The following MEOX2 variants were observed in gnomAD, a reference collection of about 807,000 sequenced individuals.
MEOX2 encodes the protein homeobox protein MOX-2.
Under a neutral mutation model 27.0 loss-of-function variants are expected in MEOX2, and 11 were observed. That is an observed-to-expected ratio of 0.41 (90% CI 0.26 to 0.68). The LOEUF (loss-of-function observed/expected upper bound fraction) is 0.68, where lower values mean the gene tolerates loss of function less well. Among genes scored for constraint, MEOX2 ranks in the 30% least tolerant of loss-of-function variants. The probability of loss-of-function intolerance (pLI) is 0.33; values close to 1 mark genes in which losing one functional copy is unlikely to be tolerated. For synonymous variants in MEOX2, 189 were observed against 155.4 expected, an observed-to-expected ratio of 1.22 and a Z score of -1.61; for missense variants, 436 against 385.4, an observed-to-expected ratio of 1.13 and a Z score of -1.10.
At chr7:15,673,415 A>G (rs867430911) in intron 1 of MEOX2, among the ~76,000 whole-genome samples, 57 of 152,244 alleles carry the variant, frequency 3.7e-4, no homozygotes, top group Admixed American at 2.6e-4. Context: ...TATGGGATAG[A>G]AATAAAAAAT....
intron 1 of MEOX2, among the ~76,000 whole-genome samples, chr7:15,646,071 T>C (rs1205192551): frequency 6.6e-6 from 1 of 152,070 alleles, no homozygotes; most frequent in East Asian, 1.9e-4. Flanking sequence ...ATTAAAACCC[T>C]ATATTTTGTG....
chr7:15,672,183 G>A (rs1338214290), intron 1 of MEOX2, among the ~76,000 whole-genome samples: 5 of 151,792 alleles, frequency 3.3e-5, no homozygotes, highest in South Asian at 2.1e-4. Context: ...AACTATTTTC[G>A]CCATTATCCA....
At chr7:15,677,280 G>C (rs1782210436) in intron 1 of MEOX2, among the ~76,000 whole-genome samples, 1 of 152,130 alleles carries the variant, frequency 6.6e-6, no homozygotes, top group Non-Finnish European at 1.5e-5. Context: ...ACTTTACTAA[G>C]CCAGACATTG....
At chr7:15,653,411 TC>T (rs1339072017) in intron 1 of MEOX2, among the ~76,000 whole-genome samples, 2 of 151,922 alleles carry the variant, frequency 1.3e-5, no homozygotes, top group Admixed American at 6.6e-5. Flanking sequence ...GGTAACATGT[TC>T]CCCCATTGTG....
chr7:15,629,428 G>A (rs960721368), intron 1 of MEOX2, among the ~76,000 whole-genome samples: 5 of 152,076 alleles, frequency 3.3e-5, no homozygotes, highest in African/African-American at 7.2e-5. Flanking sequence ...TTTACTGAAT[G>A]CTTGAATACC....
At chr7:15,622,405 C>T (rs1583742974) in intron 2 of MEOX2, among the ~76,000 whole-genome samples, 2 of 152,046 alleles carry the variant, frequency 1.3e-5, no homozygotes, top group African/African-American at 4.8e-5. Flanking sequence ...CCTGTCTTTG[C>T]ATTTGAATTT....
chr7:15,655,172 T>A (rs1330002054), intron 1 of MEOX2, among the ~76,000 whole-genome samples: 1 of 151,672 alleles, frequency 6.6e-6, no homozygotes, highest in Non-Finnish European at 1.5e-5. Context: ...TGAGTGGAAT[T>A]AATCATGGTA....
chr7:15,686,043 C>T lies in MEOX2; in HGVS notation c.360G>A (p.Leu120=). 1.2e-6 allele frequency: 2 copies of T among 1,605,230 alleles called. No individual in the cohort carries two copies. The highest frequency in any genetic ancestry group is 1.7e-6 in the Non-Finnish European group (2 of 1,178,582). The change falls in exon 1 of 3, where the codon TTG becomes TTA. Residue 120 remains leucine (L), a synonymous_variant. Transcript: ENST00000262041. ...AGCACAGGACGGGCGGGCTGCTCCCCAACTCTGGGGGCCCTCCAGAGTCGG... is the reference window on the plus strand; with the variant it reads ...AGCACAGGACGGGCGGGCTGCTCCCTAACTCTGGGGGCCCTCCAGAGTCGG... ...LQPDSGGPPE[L]GSSPPVLCSN... is the part of the protein sequence containing the mutation.
intron 1 of MEOX2, chr7:15,681,981 G>A (rs2115398410): frequency 6.6e-6 from 1 of 151,748 alleles, no homozygotes; most frequent in African/African-American, 2.4e-5. Flanking sequence ...TAATTCTAAA[G>A]GAATTGTTGC....
rs760797306 is a variant in MEOX2, at chr7:15,612,458, G to C, written c.844C>G (p.Gln282Glu). The part of the protein sequence containing the change: ...LSGIGAATLQ[Q>E]TGDSIANEDS... Reference sequence around the variant, plus strand: ...TCATTTGCTATAGAGTCCCCTGTTTGCTGGAGGGTGGCTGCACCAATTCCC... The same window carrying C: ...TCATTTGCTATAGAGTCCCCTGTTTCCTGGAGGGTGGCTGCACCAATTCCC... The change falls in exon 3 of 3, where the codon CAA (glutamine) becomes GAA (glutamate). Residue 282 changes from glutamine (Q) to glutamate (E), a missense_variant. Coordinates refer to ENST00000262041, the MANE Select transcript of MEOX2 (RefSeq NM_005924.5). The C allele has an allele frequency of 4.1e-5, 66 of 1,613,988 alleles. No individual in the cohort carries two copies. The highest frequency in any genetic ancestry group is 5.1e-5 in the Non-Finnish European group (60 of 1,180,020).
chr7:15,632,730 G>A (rs1018736101), intron 1 of MEOX2, among the ~76,000 whole-genome samples: 8 of 151,958 alleles, frequency 5.3e-5, no homozygotes, highest in East Asian at 1.9e-4. Flanking sequence ...AAACAAAACC[G>A]GGACAAGTCT....
intron 1 of MEOX2, among the ~76,000 whole-genome samples, chr7:15,641,840 T>G (rs1781566311): frequency 6.6e-6 from 1 of 152,106 alleles, no homozygotes; most frequent in African/African-American, 2.4e-5. Context: ...TTTGCTTGTT[T>G]GAAAAAAATA....
intron 1 of MEOX2, among the ~76,000 whole-genome samples, chr7:15,684,555 C>T (rs750949984): frequency 3.3e-5 from 5 of 152,142 alleles, no homozygotes; most frequent in Admixed American, 1.3e-4. Flanking sequence ...CCTATAGTAA[C>T]GCTGAAGAAC....
rs536776718 is a variant in MEOX2 at position 15,648,389 on chromosome 7, A to G, written c.518-21471T>C. Among the ~76,000 whole-genome samples, 13 of 152,224 alleles carry G rather than the reference A, an allele frequency of 8.5e-5. No homozygotes were observed. In the South Asian group the frequency reaches 1.9e-3, roughly 22 times the overall value. ...AAAAAATAATTTTATGCCGGTGCGG[A>G]TGAAGGAATAAAAAGAAAGCGTAAA... On this transcript the variant is annotated intron_variant, in intron 1 of 2. Coordinates refer to ENST00000262041, the MANE Select transcript of MEOX2 (RefSeq NM_005924.5).
intron 1 of MEOX2, among the ~76,000 whole-genome samples, chr7:15,671,020 C>G (rs1390541737): frequency 1.3e-5 from 2 of 152,040 alleles, no homozygotes; most frequent in Non-Finnish European, 2.9e-5. Flanking sequence ...TGGGTTGGCA[C>G]AAATAAATAA....
chr7:15,619,067 T>C (rs1055242734), intron 2 of MEOX2, among the ~76,000 whole-genome samples: 6 of 151,882 alleles, frequency 4.0e-5, no homozygotes, highest in Non-Finnish European at 8.8e-5. Context: ...TCTAGAAAAT[T>C]GTCAGTTCTC....
At chr7:15,633,575 A>T (rs1244129446) in intron 1 of MEOX2, among the ~76,000 whole-genome samples, 1 of 151,958 alleles carries the variant, frequency 6.6e-6, no homozygotes, top group Admixed American at 6.6e-5. Flanking sequence ...GACATGCAAC[A>T]GGAAAACTTC....
At chr7:15,626,678 T>C in intron 2 of MEOX2, 68 bp downstream of exon 2, 2 of 1,151,952 alleles carry the variant, frequency 1.7e-6, no homozygotes, top group African/African-American at 1.5e-5. Context: ...GTATTTCAAA[T>C]ATGGCAAAGA....
At chr7:15,650,140 C>T (rs543117774) in intron 1 of MEOX2, among the ~76,000 whole-genome samples, 1 of 152,152 alleles carries the variant, frequency 6.6e-6, no homozygotes, top group East Asian at 1.9e-4. Context: ...TTTGGCCATG[C>T]CTTACAAGTC....
Sources: allele counts gnomAD v4.1 joint callset (sites outside exome capture counted in the v4.1 genomes callset), GRCh38; gene constraint gnomAD v4.1.1; transcripts MANE v1.5; gene names NCBI Gene and HGNC (gene_info 2026-07-23, HGNC 2026-07-21).